Variants in EIF4E observed in about 807,000 individuals in gnomAD.
The protein encoded by EIF4E is eIF-4F 25 kDa subunit.
For synonymous variants in EIF4E, 71 were observed against 88.5 expected (o/e 0.80, Z 1.11); for missense variants, 113 against 265.6 (o/e 0.43, Z 3.99).
In EIF4E at chr4:98,885,050, A is replaced by G. The variant is rs762161932; in HGVS notation, c.411T>C (p.Leu137=). ...TGTAGTCATCAAAAGATTCTCCAAT[A>G]AGGCACAGAAGCTTAAAAAAAAATC... The part of the protein sequence containing the change: ...DRFWLETLLC[L]IGESFDDYSD... The change falls in exon 6 of 7, where the codon CTT becomes CTC. Residue 137 remains leucine (L), a synonymous_variant. Transcript: ENST00000450253. 3.1e-6 allele frequency: 5 copies of G among 1,612,626 alleles called. No individual in the cohort carries two copies. In the Admixed American group the frequency reaches 8.3e-5, roughly 27 times the overall value.
intron 6 of EIF4E, among the ~76,000 whole-genome samples, chr4:98,882,735 G>A (rs906327944): frequency 2.7e-5 from 4 of 150,642 alleles, no homozygotes; most frequent in Admixed American, 6.6e-5. Context: ...GAAAATCTTC[G>A]TTTGAAAATC....
chr4:98,919,347 CAAAAA>C lies in EIF4E; in HGVS notation c.18+9743_18+9747del, dbSNP rs974044137. Among the ~76,000 whole-genome samples the C allele has an allele frequency of 1.5e-5, 2 of 129,664 alleles. 1 individual carries two copies. Among genetic ancestry groups the C allele is most frequent in the South Asian group, 4.9e-4 (2 of 4,074 alleles). 85.1% of individuals were successfully genotyped at this position (129,664 alleles called of 152,430 possible). On this transcript the variant is annotated intron_variant, in intron 1 of 6. Coordinates refer to ENST00000450253, the MANE Select transcript of EIF4E (RefSeq NM_001968.5). The stretch of plus-strand genomic sequence containing the variant: ...AAAAGACTAGCAAAAAAAAAAAAAA[CAAAAA>C]AAAACATTAACCCACAGAAAAATTC...
intron 2 of EIF4E, among the ~76,000 whole-genome samples, chr4:98,899,220 G>T (rs536951725): frequency 1.3e-5 from 2 of 151,868 alleles, no homozygotes; most frequent in African/African-American, 2.4e-5. Context: ...TCCATAACTT[G>T]TTAGCTTGAA....
At chr4:98,890,904 T>C in intron 3 of EIF4E, 1 of 330,578 alleles carries the variant, frequency 3.0e-6, no homozygotes, top group Non-Finnish European at 5.6e-6. Context: ...AACAACGCAC[T>C]GCAATACCCA....
At chr4:98,890,014 A>G (rs1414355641) in intron 3 of EIF4E, among the ~76,000 whole-genome samples, 1 of 152,092 alleles carries the variant, frequency 6.6e-6, no homozygotes, top group African/African-American at 2.4e-5. Flanking sequence ...CAATGCTTTT[A>G]ATAAAAAATA....
At chr4:98,903,827 A>G (rs1212973824) in intron 1 of EIF4E, among the ~76,000 whole-genome samples, 2 of 152,190 alleles carry the variant, frequency 1.3e-5, no homozygotes, top group Non-Finnish European at 2.9e-5. Context: ...CTTAAAACCA[A>G]ACATTTTTAT....
At chr4:98,917,191 C>T (rs2110217666) in intron 1 of EIF4E, among the ~76,000 whole-genome samples, 1 of 149,632 alleles carries the variant, frequency 6.7e-6, no homozygotes, top group East Asian at 2.1e-4. Flanking sequence ...CTTAATTCTG[C>T]TTGACCATGT....
rs1021375752 is a variant in EIF4E at position 98,922,813 on chromosome 4, G to C, written c.18+6282C>G. 6.6e-5 allele frequency among the ~76,000 whole-genome samples: 10 copies of C among 150,638 alleles called. 1 individual carries two copies. The South Asian group carries it at 2.1e-3, about 32-fold the overall frequency. On this transcript the variant is annotated intron_variant, in intron 1 of 6. Transcript: ENST00000450253. ...ATTCCACAAAAATTTACTGAATATA[G>C]TGTGACTAAACTTCATTTTCCTGTT...
intron 6 of EIF4E, among the ~76,000 whole-genome samples, chr4:98,883,769 T>C (rs552959546): frequency 6.6e-6 from 1 of 152,120 alleles, no homozygotes; most frequent in Non-Finnish European, 1.5e-5. Context: ...TGGTTTAGCA[T>C]GGTGGCTCAC....
Position 98,887,828 on chromosome 4 carries a change from T to C in EIF4E, c.285+61A>G, listed in dbSNP as rs1253600464. On this transcript the variant is annotated intron_variant, in intron 4 of 6. Transcript: ENST00000450253. The surrounding 1 kb of genome is among the most constrained non-coding windows in gnomAD (Gnocchi z 4.0). ...ATTCCTAAGTTTATGGTAAGATTTCTTAATGAATACCAAATGGCCCAGTCC... is the reference window on the plus strand; with the variant it reads ...ATTCCTAAGTTTATGGTAAGATTTCCTAATGAATACCAAATGGCCCAGTCC... 6.9e-7 allele frequency: 1 copy of C among 1,456,920 alleles called. No individual in the cohort carries two copies. The highest frequency in any genetic ancestry group is 9.6e-7 in the Non-Finnish European group (1 of 1,046,758). The allele number at this position is 1,456,920 out of a possible 1,614,324, so 90.2% of individuals were successfully genotyped here. A position where few individuals can be genotyped will look rare whatever the true frequency, so the allele number is the denominator to read the frequency against.
At chr4:98,907,578 C>G (rs1336445933) in intron 1 of EIF4E, among the ~76,000 whole-genome samples, 2 of 152,148 alleles carry the variant, frequency 1.3e-5, no homozygotes, top group Non-Finnish European at 2.9e-5. Flanking sequence ...TACAGTTTTC[C>G]TCTCATAACA....
At chr4:98,926,798 A>G (rs1218715663) in intron 1 of EIF4E, among the ~76,000 whole-genome samples, 2 of 152,210 alleles carry the variant, frequency 1.3e-5, no homozygotes, top group Non-Finnish European at 2.9e-5. Flanking sequence ...TTTGTATCCT[A>G]AAGAACACTT....
chr4:98,889,112 T>C (rs1353241077), intron 3 of EIF4E, among the ~76,000 whole-genome samples: 1 of 150,420 alleles, frequency 6.6e-6, no homozygotes, highest in Non-Finnish European at 1.5e-5. Context: ...TGAGCCGAGA[T>C]CACCCCATTG....
intron 1 of EIF4E, among the ~76,000 whole-genome samples, chr4:98,907,678 C>G (rs1724931641): frequency 6.6e-6 from 1 of 152,218 alleles, no homozygotes; most frequent in Non-Finnish European, 1.5e-5. Context: ...GGATCCACCT[C>G]TAACCCCAAC....
chr4:98,911,425 C>T (rs1344325508), intron 1 of EIF4E, among the ~76,000 whole-genome samples: 4 of 148,648 alleles, frequency 2.7e-5, no homozygotes, highest in South Asian at 2.1e-4. Flanking sequence ...TTTGGGAGGC[C>T]GAGGCGGGTG....
At chr4:98,890,732 G>A (rs551914416) in intron 3 of EIF4E, 15 of 155,042 alleles carry the variant, frequency 9.7e-5, no homozygotes, top group East Asian at 3.8e-4. Context: ...TTCTTCTTGA[G>A]GTTGATCAAA....
At chr4:98,882,167 C>T (rs1170550338) in intron 6 of EIF4E, among the ~76,000 whole-genome samples, 2 of 151,348 alleles carry the variant, frequency 1.3e-5, no homozygotes, top group East Asian at 1.9e-4. Flanking sequence ...CCGAGGCGGG[C>T]GGATCACGAG....
At chr4:98,894,060 T>C (rs1295639756) in intron 2 of EIF4E, among the ~76,000 whole-genome samples, 2 of 152,250 alleles carry the variant, frequency 1.3e-5, no homozygotes, top group African/African-American at 2.4e-5. Context: ...AGTGATATTT[T>C]GAAAGGAAAC....
chr4:98,898,910 A>C (rs1236953000), intron 2 of EIF4E, among the ~76,000 whole-genome samples: 1 of 152,100 alleles, frequency 6.6e-6, no homozygotes, highest in East Asian at 1.9e-4. Flanking sequence ...AATATCATAC[A>C]TCCACGCAAG....
Sources: gnomAD v4.1 joint callset for allele counts (sites outside exome capture counted in the v4.1 genomes callset) on GRCh38, gnomAD v4.1.1 for gene constraint, Gnocchi (gnomAD v3.1) non-coding constraint, MANE v1.5 for transcripts, NCBI Gene and HGNC (gene_info 2026-07-23, HGNC 2026-07-21) for gene names.